The following MPZL2 variants were observed in gnomAD, a reference collection of about 807,000 sequenced individuals.
MPZL2 encodes myelin protein zero-like protein 2.
Under a neutral mutation model 24.5 loss-of-function variants are expected in MPZL2, and 32 were observed. That is an observed-to-expected ratio of 1.31 (90% CI 0.99 to 1.76). MPZL2 has a LOEUF of 1.76. Ranked by LOEUF, MPZL2 falls within the 40% of genes most tolerant of loss-of-function variation. The pLI, the probability that MPZL2 is intolerant of heterozygous loss-of-function variation, is 0.00. For missense variants in MPZL2, 304 were observed against 274.9 expected, an observed-to-expected ratio of 1.11 and a Z score of -0.75; for synonymous variants, 92 against 97.9, an observed-to-expected ratio of 0.94 and a Z score of 0.36.
In MPZL2 at chr11:118,254,083, T is replaced by C. The variant is rs997357168; in HGVS notation, c.*1163A>G. On this transcript the variant is annotated 3_prime_UTR_variant, in exon 6 of 6. Coordinates refer to ENST00000278937, the MANE Select transcript of MPZL2 (RefSeq NM_005797.4). ...CTTAAGCTTGTAACTTTTCTTTCAA[T>C]AGCCCACTTATAAAGTTTGCTTTAT... 2.0e-4 allele frequency: 30 copies of C among 152,536 alleles called. No individual in the cohort carries two copies. The highest frequency in any genetic ancestry group is 6.5e-4 in the African/African-American group (27 of 41,576). 9.4% of individuals were successfully genotyped at this position (152,536 alleles called of 1,614,324 possible).
In MPZL2 at chr11:118,262,405, CT is replaced by C. The variant is rs756142322; in HGVS notation, c.436+32del. ...CCTTTCTTTTCTACAAGCTCTCATC[CT>C]TTCCAAAACCACTGTTCCCTGCATA... On this transcript the variant is annotated intron_variant, in intron 3 of 5. Coordinates refer to ENST00000278937, the MANE Select transcript of MPZL2 (RefSeq NM_005797.4). 3 of 1,606,110 alleles carry C rather than the reference CT, an allele frequency of 1.9e-6. No homozygotes were observed. In the South Asian group the frequency reaches 3.3e-5, roughly 18 times the overall value.
chr11:118,260,026 G>A, intron 4 of MPZL2, 28 bp downstream of exon 4: 1 of 1,613,038 alleles, frequency 6.2e-7, no homozygotes, highest in South Asian at 1.1e-5. Context: ...AAGAGTGTTA[G>A]AACTTTCCCA....
At chr11:118,260,491 G>A (rs1001328969) in intron 3 of MPZL2, among the ~76,000 whole-genome samples, 9 of 152,216 alleles carry the variant, frequency 5.9e-5, no homozygotes, top group East Asian at 1.9e-4. Flanking sequence ...CTAGAGGTGC[G>A]GCTGAGCAAT....
At position 118,258,695 on chromosome 11, in the gene MPZL2, T is replaced by C. The variant is rs2134730090; in HGVS notation, c.584+1359A>G. Among the ~76,000 whole-genome samples, 4 of 152,296 alleles carry C rather than the reference T, an allele frequency of 2.6e-5. 1 individual carries two copies. In the East Asian group the frequency reaches 7.7e-4, roughly 29 times the overall value. ...GGCCTGGTGGAGGGTGTTTGGGTCA[T>C]GGGAGCAGATCTCTCATGGCTTGGT... On this transcript the variant is annotated intron_variant, in intron 4 of 5. Coordinates refer to ENST00000278937, the MANE Select transcript of MPZL2 (RefSeq NM_005797.4).
rs1949708932 is a variant in MPZL2 at position 118,262,657 on chromosome 11, G to T, written c.226-9C>A. ...ATGTGGTAGTAGAATACCTAGAGAGGGGAAATGGCAAAAGGTCTTCTTACT... is the reference window on the plus strand; with the variant it reads ...ATGTGGTAGTAGAATACCTAGAGAGTGGAAATGGCAAAAGGTCTTCTTACT... On this transcript the variant is annotated splice_polypyrimidine_tract_variant and intron_variant, in intron 2 of 5. Transcript: ENST00000278937. 6.2e-7 allele frequency: 1 copy of T among 1,612,444 alleles called. No homozygotes were observed. Among genetic ancestry groups the T allele is most frequent in the South Asian group, 1.1e-5 (1 of 90,914 alleles).
At chr11:118,263,364 G>A (rs569402662) in intron 1 of MPZL2, among the ~76,000 whole-genome samples, 3 of 152,130 alleles carry the variant, frequency 2.0e-5, no homozygotes, top group Non-Finnish European at 2.9e-5. Context: ...GCCTCGCCTC[G>A]TGGTACTGAC....
chr11:118,257,585 C>A, intron 4 of MPZL2: 1 of 305,522 alleles, frequency 3.3e-6, no homozygotes, highest in African/African-American at 2.1e-5. Flanking sequence ...CCTTATTTTA[C>A]CATTAGTATC....
intron 4 of MPZL2, 102 bp downstream of exon 4, chr11:118,259,948 TTTAC>T (rs1949688002): frequency 2.3e-6 from 3 of 1,315,046 alleles, no homozygotes. Flanking sequence ...TTATATAGGA[TTTAC>T]TTAAAGGGAA....
In MPZL2 at chr11:118,262,612, T is replaced by C. The variant is rs1272813690; in HGVS notation, c.262A>G (p.Ser88Gly). ...GACACCCGGTCCTTAAACCGCCCACTCATGGGTTGGAAGGGATCTATGTGG... is the reference window on the plus strand; with the variant it reads ...GACACCCGGTCCTTAAACCGCCCACCCATGGGTTGGAAGGGATCTATGTGG... Reference protein sequence around the residue: ...YYHIDPFQPMSGRFKDRVSWD... With the variant: ...YYHIDPFQPMGGRFKDRVSWD... Residue 88 changes from serine to glycine, a missense_variant, in exon 3 of 6, where the codon AGT (serine) becomes GGT (glycine). Physicochemically the swap from Ser to Gly is moderately conservative, Grantham distance 56. Transcript: ENST00000278937. 6.2e-7 allele frequency: 1 copy of C among 1,613,852 alleles called. No homozygotes were observed. Among genetic ancestry groups the C allele is most frequent in the Non-Finnish European group, 8.5e-7 (1 of 1,180,000 alleles).
chr11:118,253,976 A>G lies in MPZL2; in HGVS notation c.*1270T>C, dbSNP rs1565498919. On this transcript the variant is annotated 3_prime_UTR_variant, in exon 6 of 6. Coordinates refer to ENST00000278937, the MANE Select transcript of MPZL2 (RefSeq NM_005797.4). ...ACATCTGCAGTCCAGTCGATTAAAA[A>G]CTGAAAATATCAATCTGTAAAGATT... is the stretch of plus-strand genomic sequence containing the variant. The G allele has an allele frequency of 6.6e-6, 1 of 152,590 alleles. No individual in the cohort carries two copies. The highest frequency in any genetic ancestry group is 1.5e-5 in the Non-Finnish European group (1 of 67,990). The allele number at this position is 152,590 out of a possible 1,614,324, so 9.5% of individuals were successfully genotyped here. A position where few individuals can be genotyped will look rare whatever the true frequency, so the allele number is the denominator to read the frequency against.
chr11:118,257,078 T>C, intron 5 of MPZL2, 160 bp downstream of exon 5: 1 of 484,476 alleles, frequency 2.1e-6, no homozygotes, highest in Admixed American at 4.0e-5. Context: ...GAGCTATCCA[T>C]AAGACTAATA....
chr11:118,262,796 T>G (rs900504850), intron 2 of MPZL2, 135 bp downstream of exon 2: 6 of 1,373,910 alleles, frequency 4.4e-6, no homozygotes, highest in Non-Finnish European at 6.1e-6. Context: ...CCTCTCAGTC[T>G]CTGTCCCAAG....
chr11:118,257,229 G>A lies in MPZL2; in HGVS notation c.*12+9C>T. ...TGAAGAAAGAAATCAACCTATTTGTGAACCTTACCATCTAAAATTGTTAGT... is the reference window on the plus strand; with the variant it reads ...TGAAGAAAGAAATCAACCTATTTGTAAACCTTACCATCTAAAATTGTTAGT... On this transcript the variant is annotated intron_variant, in intron 5 of 5. Coordinates refer to ENST00000278937, the MANE Select transcript of MPZL2 (RefSeq NM_005797.4). The A allele has an allele frequency of 1.3e-6, 2 of 1,593,972 alleles. No homozygotes were observed. The highest frequency in any genetic ancestry group is 1.7e-6 in the Non-Finnish European group (2 of 1,164,280).
At chr11:118,263,867 T>C (rs573391714) in intron 1 of MPZL2, among the ~76,000 whole-genome samples, 4 of 152,084 alleles carry the variant, frequency 2.6e-5, no homozygotes, top group Non-Finnish European at 4.4e-5. Context: ...TAGAAAGCCC[T>C]CTCTGTGCCT....
chr11:118,263,880 A>G lies in MPZL2; in HGVS notation c.58+216T>C, dbSNP rs58453797. Among the ~76,000 whole-genome samples the G allele has an allele frequency of 7.5e-3, 1,139 of 152,246 alleles. 17 individuals carry two copies. The highest frequency in any genetic ancestry group is 0.026 in the African/African-American group (1,073 of 41,530). On this transcript the variant is annotated intron_variant, in intron 1 of 5. Transcript: ENST00000278937. ...ATTAGAAAGCCCTCTCTGTGCCTGA[A>G]TCACTGGCAGCTGAACACACCTAAA...
chr11:118,260,745 A>C (rs540910861), intron 3 of MPZL2, among the ~76,000 whole-genome samples: 67 of 152,338 alleles, frequency 4.4e-4, no homozygotes, highest in South Asian at 3.9e-3. Flanking sequence ...CAAGGAGCTC[A>C]TGCCACTGAG....
intron 5 of MPZL2, 174 bp downstream of exon 5, chr11:118,257,061 CAAG>C (rs1380777679): frequency 1.2e-5 from 5 of 423,768 alleles, no homozygotes; most frequent in African/African-American, 2.0e-5. Flanking sequence ...AAAATACACT[CAAG>C]GAGGAGCTAT....
chr11:118,262,367 A>G, intron 3 of MPZL2, 71 bp downstream of exon 3: 1 of 1,495,876 alleles, frequency 6.7e-7, no homozygotes, highest in African/African-American at 1.4e-5. Context: ...TCTCAGCCTT[A>G]ACAAAGATTG....
rs777419748 is a variant in MPZL2 at position 118,262,609 on chromosome 11, C to T, written c.265G>A (p.Gly89Arg). Residue 89 changes from glycine to arginine, a missense_variant, in exon 3 of 6, where the codon GGG (glycine) becomes AGG (arginine). Physicochemically the swap from Gly to Arg is moderately radical, Grantham distance 125. Coordinates refer to ENST00000278937, the MANE Select transcript of MPZL2 (RefSeq NM_005797.4). ...YHIDPFQPMS[G>R]RFKDRVSWDG... ...CAAGACACCCGGTCCTTAAACCGCC[C>T]ACTCATGGGTTGGAAGGGATCTATG... 6.2e-7 allele frequency: 1 copy of T among 1,614,096 alleles called. No individual in the cohort carries two copies. The highest frequency in any genetic ancestry group is 8.5e-7 in the Non-Finnish European group (1 of 1,180,036).
Sources: gnomAD v4.1 joint callset for allele counts (sites outside exome capture counted in the v4.1 genomes callset) on GRCh38, gnomAD v4.1.1 for gene constraint, MANE v1.5 for transcripts, NCBI Gene and HGNC (gene_info 2026-07-23, HGNC 2026-07-21) for gene names.